KIRREL3: variants seen among roughly 807,000 people sequenced by gnomAD.
KIRREL3 encodes kirre like nephrin family adhesion molecule 3, also known as kin of IRRE-like protein 3.
A neutral mutation model predicts 89.7 loss-of-function variants in KIRREL3; 36 were observed. The ratio of observed to expected loss-of-function variants is 0.40; its 90% CI spans 0.31 to 0.53. KIRREL3 has a LOEUF of 0.53. Ranked by LOEUF, KIRREL3 falls within the 20% of genes least tolerant of loss-of-function variation. KIRREL3 has a pLI of 0.49. For missense variants in KIRREL3, 864 were observed against 1,056.6 expected (o/e 0.82, Z 2.53); for synonymous variants, 445 against 441.4 (o/e 1.01, Z -0.10).
At position 126,571,298 on chromosome 11, in the gene KIRREL3, C is replaced by T. The variant is rs1341934005; in HGVS notation, c.56-8386G>A. ...TGATGAATTGCCTGGAATTCTGACA[C>T]AGCCATCAGCTTTCTCTGGGGCACT... On this transcript the variant is annotated intron_variant, in intron 1 of 16. Transcript: ENST00000525144. This position sits in a 1 kb window ranked among gnomAD's most constrained non-coding sequence, Gnocchi z 7.7. Among the ~76,000 whole-genome samples, 1 of 152,230 alleles carries T rather than the reference C, an allele frequency of 6.6e-6. No homozygotes were observed. Among genetic ancestry groups the T allele is most frequent in the Non-Finnish European group, 1.5e-5 (1 of 68,048 alleles).
rs1374072033 is a variant in KIRREL3 at position 126,594,561 on chromosome 11, C to A, written c.56-31649G>T. Among the ~76,000 whole-genome samples the A allele has an allele frequency of 6.6e-6, 1 of 152,084 alleles. No homozygotes were observed. Among genetic ancestry groups the A allele is most frequent in the African/African-American group, 2.4e-5 (1 of 41,400 alleles). On this transcript the variant is annotated intron_variant, in intron 1 of 16. Coordinates refer to ENST00000525144, the MANE Select transcript of KIRREL3 (RefSeq NM_032531.4). The surrounding 1 kb of genome is among the most constrained non-coding windows in gnomAD (Gnocchi z 5.0). ...TCTTTCTTTCCACATAGCATGGGGC[C>A]TTCAACTGCTGGAGGGTCTGGGCGG...
intron 1 of KIRREL3, among the ~76,000 whole-genome samples, chr11:126,585,220 CTTTTTTTTTTTTTTT>C (rs3042225): frequency 1.2e-4 from 10 of 81,888 alleles, no homozygotes; most frequent in African/African-American, 1.7e-4. Flanking sequence ...CGCCCGGCCT[CTTTTTTTTTTTTTTT>C]TTTTTTTTTT....
chr11:126,461,668 G>T (rs1319635474), intron 6 of KIRREL3, among the ~76,000 whole-genome samples: 1 of 152,094 alleles, frequency 6.6e-6, no homozygotes, highest in African/African-American at 2.4e-5. Context: ...TCTAAATGGT[G>T]TCTGTCAGGA....
At chr11:126,998,283 G>A (rs1327744902) in intron 1 of KIRREL3, among the ~76,000 whole-genome samples, 1 of 152,198 alleles carries the variant, frequency 6.6e-6, no homozygotes, top group East Asian at 1.9e-4. Flanking sequence ...TTGCAGTGAA[G>A]TCCATAAAAC....
rs1010835415 is a variant in KIRREL3 at position 126,515,677 on chromosome 11, C to A, written c.433+5638G>T. 3.9e-5 allele frequency among the ~76,000 whole-genome samples: 6 copies of A among 152,020 alleles called. No homozygotes were observed. Among genetic ancestry groups the A allele is most frequent in the African/African-American group, 1.2e-4 (5 of 41,390 alleles). ...AGGAGATGCCAGCTGCTTGTTAGTG[C>A]GGGAGCAGGTTGGCGGTGGGTCTGA... On this transcript the variant is annotated intron_variant, in intron 4 of 16. Coordinates refer to ENST00000525144, the MANE Select transcript of KIRREL3 (RefSeq NM_032531.4). The surrounding 1 kb of genome is among the most constrained non-coding windows in gnomAD (Gnocchi z 4.2).
At chr11:126,488,231 G>A (rs927706855) in intron 4 of KIRREL3, among the ~76,000 whole-genome samples, 7 of 152,230 alleles carry the variant, frequency 4.6e-5, no homozygotes, top group Non-Finnish European at 1.0e-4. Context: ...TGGTGGGGAT[G>A]GCTTTGGGGC....
rs1466787234 is a variant in KIRREL3, at chr11:126,492,345, G to C, written c.434-18879C>G. On this transcript the variant is annotated intron_variant, in intron 4 of 16. Transcript: ENST00000525144. This position sits in a 1 kb window ranked among gnomAD's most constrained non-coding sequence, Gnocchi z 4.8. ...ATGAGGGATGAGGTGGATGTGACAA[G>C]GTGACATGACCCTAAGGCAGGGGGA... Among the ~76,000 whole-genome samples, 1 of 152,154 alleles carries C rather than the reference G, an allele frequency of 6.6e-6. No homozygotes were observed. Among genetic ancestry groups the C allele is most frequent in the African/African-American group, 2.4e-5 (1 of 41,450 alleles).
chr11:126,530,837 TC>T lies in KIRREL3; in HGVS notation c.134-4151del, dbSNP rs759834622. 4.6e-5 allele frequency among the ~76,000 whole-genome samples: 7 copies of T among 151,640 alleles called. No individual in the cohort carries two copies. In the East Asian group the frequency reaches 9.7e-4, roughly 21 times the overall value. On this transcript the variant is annotated intron_variant, in intron 2 of 16. Transcript: ENST00000525144. The surrounding 1 kb of genome is among the most constrained non-coding windows in gnomAD (Gnocchi z 5.8). The stretch of plus-strand genomic sequence containing the variant: ...CCTTCCCATACTTTATTTTTATTTT[TC>T]TTTTTTTTTTGAGACGGAGTCTGAC...
intron 1 of KIRREL3, among the ~76,000 whole-genome samples, chr11:126,637,020 T>C (rs923602559): frequency 9.2e-5 from 14 of 152,162 alleles, no homozygotes; most frequent in African/African-American, 2.9e-4. Context: ...TCCTCCTCAC[T>C]TCTCTAGTCT....
chr11:126,608,963 G>T lies in KIRREL3; in HGVS notation c.56-46051C>A, dbSNP rs1266825934. On this transcript the variant is annotated intron_variant, in intron 1 of 16. Transcript: ENST00000525144. The surrounding 1 kb of genome is among the most constrained non-coding windows in gnomAD (Gnocchi z 4.9). Reference sequence around the variant, plus strand: ...TGACTTCCTGTGGGTCAGAGTACAGGGTGGGTAGCAGAAACAATCAGGCCA... The same window carrying T: ...TGACTTCCTGTGGGTCAGAGTACAGTGTGGGTAGCAGAAACAATCAGGCCA... 6.6e-6 allele frequency among the ~76,000 whole-genome samples: 1 copy of T among 152,174 alleles called. No homozygotes were observed. The highest frequency in any genetic ancestry group is 1.5e-5 in the Non-Finnish European group (1 of 68,026).
Position 126,435,268 on chromosome 11 carries a change from C to G in KIRREL3, c.1588G>C (p.Glu530Gln). The change falls in exon 13 of 17, where the codon GAG becomes CAG. Residue 530 changes from glutamate (E) to glutamine (Q), a missense_variant and splice_region_variant. Physicochemically the swap from Glu to Gln is conservative, Grantham distance 29. Transcript: ENST00000525144. ...EMKSGAGLEA[E>Q]SVPMAVIIGV... The stretch of plus-strand genomic sequence containing the variant: ...CCATTCTCATCATCTCCTTCCGTAC[C>G]TGCTTCCAGCCCGGCTCCCGACTTC... 1 of 1,613,846 alleles carries G rather than the reference C, an allele frequency of 6.2e-7. No homozygotes were observed. Among genetic ancestry groups the G allele is most frequent in the South Asian group, 1.1e-5 (1 of 91,086 alleles).
intron 1 of KIRREL3, among the ~76,000 whole-genome samples, chr11:126,631,124 T>TATTC (rs201430801): frequency 0.052 from 5,527 of 106,698 alleles, 112 homozygotes; most frequent in Non-Finnish European, 0.07. Flanking sequence ...TGTATGTATG[T>TATTC]ATTCATTCAT....
In KIRREL3 at chr11:126,739,538, C is replaced by T. The variant is rs1948911090; in HGVS notation, c.56-176626G>A. On this transcript the variant is annotated intron_variant, in intron 1 of 16. Coordinates refer to ENST00000525144, the MANE Select transcript of KIRREL3 (RefSeq NM_032531.4). The surrounding 1 kb of genome is among the most constrained non-coding windows in gnomAD (Gnocchi z 5.5). ...GTCTTAAGGAATGATGAGATCCAGG[C>T]AGCTGGTGCTGACAGTGGCCTGTTC... Among the ~76,000 whole-genome samples, 1 of 152,218 alleles carries T rather than the reference C, an allele frequency of 6.6e-6. No homozygotes were observed. Among genetic ancestry groups the T allele is most frequent in the Non-Finnish European group, 1.5e-5 (1 of 68,052 alleles).
At chr11:126,859,126 T>C (rs1237306205) in intron 1 of KIRREL3, among the ~76,000 whole-genome samples, 1 of 152,226 alleles carries the variant, frequency 6.6e-6, no homozygotes, top group African/African-American at 2.4e-5. Context: ...GGTAGAGCCT[T>C]ATAAAGGAGA....
intron 1 of KIRREL3, among the ~76,000 whole-genome samples, chr11:126,725,181 A>T (rs1481563533): frequency 6.6e-6 from 1 of 152,228 alleles, no homozygotes; most frequent in Non-Finnish European, 1.5e-5. Flanking sequence ...CCAGAAAGTC[A>T]CGTGACCCAG....
intron 1 of KIRREL3, among the ~76,000 whole-genome samples, chr11:126,914,946 C>T (rs1367589956): frequency 6.6e-6 from 1 of 152,190 alleles, no homozygotes. Flanking sequence ...TCAGTGTAAA[C>T]ACCACAAACA....
At chr11:126,854,160 A>G (rs61905757) in intron 1 of KIRREL3, among the ~76,000 whole-genome samples, 63 of 93,716 alleles carry the variant, frequency 6.7e-4, no homozygotes, top group South Asian at 1.5e-3. Flanking sequence ...GTGTGTGTGT[A>G]TGTGGTGTGT....
rs61426707 is a variant in KIRREL3 at position 126,972,168 on chromosome 11, T to TAGAGAGAGAGAGAGAGAGAGAGAG, written c.55+28263_55+28286dup. Among the ~76,000 whole-genome samples the TAGAGAGAGAGAGAGAGAGAGAGAG allele has an allele frequency of 4.2e-3, 499 of 119,840 alleles. 33 individuals carry two copies. The highest frequency in any genetic ancestry group is 6.1e-3 in the Non-Finnish European group (333 of 54,648). 78.6% of individuals were successfully genotyped at this position (119,840 alleles called of 152,430 possible). ...CTGGTGCCTATGCAAGAGGGTCTGGTAGAGAGAGAGAGAGAGAGAGAGAGA... is the reference window on the plus strand; with the variant it reads ...CTGGTGCCTATGCAAGAGGGTCTGGTAGAGAGAGAGAGAGAGAGAGAGAGAGAGAGAGAGAGAGAGAGAGAGAGA... On this transcript the variant is annotated intron_variant, in intron 1 of 16. Coordinates refer to ENST00000525144, the MANE Select transcript of KIRREL3 (RefSeq NM_032531.4).
chr11:126,733,022 G>T (rs1948684488), intron 1 of KIRREL3, among the ~76,000 whole-genome samples: 1 of 152,258 alleles, frequency 6.6e-6, no homozygotes, highest in South Asian at 2.1e-4. Flanking sequence ...AGGAAAAAAT[G>T]AGTCCTGGGG....
Sources: gnomAD v4.1 joint callset for allele counts (sites outside exome capture counted in the v4.1 genomes callset) on GRCh38, gnomAD v4.1.1 for gene constraint, Gnocchi (gnomAD v3.1) non-coding constraint, MANE v1.5 for transcripts, NCBI Gene and HGNC (gene_info 2026-07-23, HGNC 2026-07-21) for gene names.